Variants in SLC22A4 observed in about 807,000 individuals in gnomAD.
SLC22A4 encodes solute carrier family 22 member 4.
SLC22A4 carries 39 observed loss-of-function variants against 56.6 expected under a neutral mutation model. The ratio of observed to expected loss-of-function variants is 0.69; its 90% CI spans 0.53 to 0.90. The LOEUF is 0.90. Ranked by LOEUF, SLC22A4 falls within the 40% of genes least tolerant of loss-of-function variation. The probability of loss-of-function intolerance (pLI) is 0.00; values close to 1 mark genes in which losing one functional copy is unlikely to be tolerated. For missense variants in SLC22A4, 594 were observed against 696.5 expected, an observed-to-expected ratio of 0.85 and a Z score of 1.66; for synonymous variants, 241 against 281.4, an observed-to-expected ratio of 0.86 and a Z score of 1.44.
intron 9 of SLC22A4, among the ~76,000 whole-genome samples, chr5:132,342,235 A>G (rs1751241019): frequency 6.6e-6 from 1 of 152,250 alleles, no homozygotes; most frequent in African/African-American, 2.4e-5. Context: ...AATATACTTA[A>G]TATACAAAAA....
intron 1 of SLC22A4, among the ~76,000 whole-genome samples, chr5:132,301,499 C>T (rs927447588): frequency 7.9e-5 from 12 of 152,192 alleles, no homozygotes; most frequent in African/African-American, 2.7e-4. Flanking sequence ...CAGCAAAGGG[C>T]CTGGACCTCT....
intron 9 of SLC22A4, among the ~76,000 whole-genome samples, chr5:132,341,625 T>A (rs773687304): frequency 4.0e-5 from 6 of 151,814 alleles, no homozygotes; most frequent in Admixed American, 2.0e-4. Context: ...CAGCTAGACA[T>A]TTTGAATAAA....
At chr5:132,310,593 C>A (rs1750155695) in intron 1 of SLC22A4, among the ~76,000 whole-genome samples, 1 of 152,236 alleles carries the variant, frequency 6.6e-6, no homozygotes, top group African/African-American at 2.4e-5. Context: ...GCGCTAACTT[C>A]CTGGCCCGAG....
At chr5:132,342,792 T>G (rs1371098452) in intron 9 of SLC22A4, among the ~76,000 whole-genome samples, 1 of 152,214 alleles carries the variant, frequency 6.6e-6, no homozygotes, top group Non-Finnish European at 1.5e-5. Flanking sequence ...GGGTCCTGAG[T>G]GCAGAGGTTC....
intron 8 of SLC22A4, among the ~76,000 whole-genome samples, chr5:132,340,154 C>A (rs931475981): frequency 3.5e-5 from 5 of 144,172 alleles, no homozygotes; most frequent in Non-Finnish European, 7.5e-5. Context: ...AAAGCAGAGT[C>A]ATGCCAGACC....
intron 1 of SLC22A4, among the ~76,000 whole-genome samples, chr5:132,302,295 T>C (rs1002666471): frequency 5.3e-5 from 8 of 152,106 alleles, no homozygotes; most frequent in Non-Finnish European, 8.8e-5. Flanking sequence ...CAAGGTGGCA[T>C]TTTGACAAAA....
At chr5:132,324,949 T>C (rs1455567493) in intron 4 of SLC22A4, among the ~76,000 whole-genome samples, 1 of 152,214 alleles carries the variant, frequency 6.6e-6, no homozygotes, top group Non-Finnish European at 1.5e-5. Flanking sequence ...TAAACCTACA[T>C]AGAGGCACTG....
chr5:132,343,883 C>A lies in SLC22A4; in HGVS notation c.*48C>A, dbSNP rs763161391. The A allele has an allele frequency of 8.2e-7, 1 of 1,219,752 alleles. No homozygotes were observed. The highest frequency in any genetic ancestry group is 1.2e-6 in the Non-Finnish European group (1 of 831,822). The allele number at this position is 1,219,752 out of a possible 1,614,324, so 75.6% of individuals were successfully genotyped here. On this transcript the variant is annotated 3_prime_UTR_variant, in exon 10 of 10. Coordinates refer to ENST00000200652, the MANE Select transcript of SLC22A4 (RefSeq NM_003059.3). ...GAAGTGAAAAACAGAAAAATAAGACCCTGTGGAGAAATTCGTTGTTCCCAC... is the reference window on the plus strand; with the variant it reads ...GAAGTGAAAAACAGAAAAATAAGACACTGTGGAGAAATTCGTTGTTCCCAC...
At chr5:132,339,941 A>G (rs1751154084) in intron 8 of SLC22A4, among the ~76,000 whole-genome samples, 1 of 152,218 alleles carries the variant, frequency 6.6e-6, no homozygotes, top group Non-Finnish European at 1.5e-5. Context: ...GAGATTACAT[A>G]TTAACCCAAG....
chr5:132,333,713 AAAG>A (rs1324311432), intron 6 of SLC22A4, among the ~76,000 whole-genome samples: 1 of 95,334 alleles, frequency 1.0e-5, no homozygotes, highest in Non-Finnish European at 2.3e-5. Flanking sequence ...AGGAAAGAGA[AAAG>A]AAGAGAGAGA....
intron 1 of SLC22A4, among the ~76,000 whole-genome samples, chr5:132,306,374 CAAACCGTG>C (rs1397360177): frequency 9.1e-6 from 1 of 109,830 alleles, no homozygotes; most frequent in Admixed American, 1.0e-4. Context: ...GTGGTAGACC[CAAACCGTG>C]AAATATATAT....
At chr5:132,341,458 T>C (rs115575236) in intron 9 of SLC22A4, among the ~76,000 whole-genome samples, 331 of 152,154 alleles carry the variant, frequency 2.2e-3, no homozygotes, top group African/African-American at 7.7e-3. Context: ...TGTTGAGCAA[T>C]AGTAATTAAA....
intron 1 of SLC22A4, among the ~76,000 whole-genome samples, chr5:132,310,976 C>CT (rs150139476): frequency 0.022 from 3,302 of 152,282 alleles, 123 homozygotes; most frequent in African/African-American, 0.076. Context: ...CTTCCCTCCT[C>CT]TTTATTTTCC....
At chr5:132,299,569 A>G in intron 1 of SLC22A4, among the ~76,000 whole-genome samples, 1 of 151,886 alleles carries the variant, frequency 6.6e-6, no homozygotes, top group African/African-American at 2.4e-5. Context: ...AGCTGGGATT[A>G]CAGGGGCCTG....
intron 5 of SLC22A4, among the ~76,000 whole-genome samples, chr5:132,329,946 T>G (rs928990063): frequency 1.3e-5 from 2 of 152,202 alleles, no homozygotes; most frequent in African/African-American, 2.4e-5. Context: ...AAGGGCCCCG[T>G]GGAACCACCA....
At chr5:132,323,238 A>G (rs1160379476) in intron 4 of SLC22A4, among the ~76,000 whole-genome samples, 3 of 152,228 alleles carry the variant, frequency 2.0e-5, no homozygotes, top group African/African-American at 7.2e-5. Context: ...CTGCTTACAC[A>G]TAACACAAGC....
At chr5:132,321,854 G>T (rs1160638112) in intron 3 of SLC22A4, among the ~76,000 whole-genome samples, 1 of 152,070 alleles carries the variant, frequency 6.6e-6, no homozygotes, top group African/African-American at 2.4e-5. Flanking sequence ...GTTGCAATGA[G>T]CTGAGATCAC....
rs771383423 is a variant in SLC22A4 at position 132,334,698 on chromosome 5, T to C, written c.1047-20T>C. On this transcript the variant is annotated intron_variant, in intron 6 of 9. Coordinates refer to ENST00000200652, the MANE Select transcript of SLC22A4 (RefSeq NM_003059.3). The stretch of plus-strand genomic sequence containing the variant: ...AGCGATTCACACCATCCCTTTGTCA[T>C]TTTTACCTTCTTCTTTCAGGATGCT... The C allele has an allele frequency of 1.5e-5, 23 of 1,575,732 alleles. 1 individual carries two copies. The South Asian group carries it at 2.4e-4, about 17-fold the overall frequency.
intron 1 of SLC22A4, among the ~76,000 whole-genome samples, chr5:132,308,422 G>A (rs1288973706): frequency 1.7e-5 from 2 of 116,224 alleles, no homozygotes; most frequent in Admixed American, 1.2e-4. Flanking sequence ...CAATTCACTA[G>A]GAGAACTTGG....
Sources: gnomAD v4.1 joint callset for allele counts (sites outside exome capture counted in the v4.1 genomes callset) on GRCh38, gnomAD v4.1.1 for gene constraint, MANE v1.5 for transcripts, NCBI Gene and HGNC (gene_info 2026-07-23, HGNC 2026-07-21) for gene names.